Variants in PRKG1 observed in about 807,000 individuals in gnomAD.
PRKG1 encodes the protein cGMP-dependent protein kinase 1.
PRKG1 carries 35 observed loss-of-function variants against 88.1 expected under a neutral mutation model. The observed-to-expected ratio is 0.40, with a 90% CI of 0.30 to 0.53. The LOEUF is 0.53. PRKG1 is among the 20% of genes least tolerant of loss of function. The probability of loss-of-function intolerance (pLI) is 0.59; values close to 1 mark genes in which losing one functional copy is unlikely to be tolerated. For missense variants in PRKG1, 540 were observed against 839.8 expected, an observed-to-expected ratio of 0.64 and a Z score of 4.41; for synonymous variants, 303 against 292.5, an observed-to-expected ratio of 1.04 and a Z score of -0.37.
At chr10:52,022,615 G>A (rs896949297) in intron 5 of PRKG1, among the ~76,000 whole-genome samples, 2 of 152,114 alleles carry the variant, frequency 1.3e-5, no homozygotes, top group Non-Finnish European at 2.9e-5. Flanking sequence ...TAATATGAAA[G>A]AATATCTGAA....
At chr10:51,277,249 T>A (rs1006623384) in intron 2 of PRKG1, among the ~76,000 whole-genome samples, 3 of 152,182 alleles carry the variant, frequency 2.0e-5, no homozygotes, top group African/African-American at 4.8e-5. Context: ...TTTTGTCAGG[T>A]TTGTCAAAGA....
chr10:52,264,072 C>G (rs1278570174), intron 10 of PRKG1, among the ~76,000 whole-genome samples: 1 of 151,718 alleles, frequency 6.6e-6, no homozygotes, highest in African/African-American at 2.4e-5. Context: ...TTCTGTATAC[C>G]CTGCTTCAGC....
chr10:51,823,857 T>TTTTCTC (rs145139440), intron 4 of PRKG1, among the ~76,000 whole-genome samples: 1 of 144,390 alleles, frequency 6.9e-6, no homozygotes, highest in African/African-American at 2.7e-5. Context: ...GAATTTTTTT[T>TTTTCTC]TCTCTCTCCT....
intron 5 of PRKG1, among the ~76,000 whole-genome samples, chr10:52,045,859 G>C (rs1030318156): frequency 5.9e-5 from 9 of 152,016 alleles, no homozygotes; most frequent in African/African-American, 2.2e-4. Flanking sequence ...TTTCACTCCT[G>C]GGGGCATGAT....
At chr10:52,258,122 A>T (rs989194685) in intron 10 of PRKG1, among the ~76,000 whole-genome samples, 1 of 139,538 alleles carries the variant, frequency 7.2e-6, no homozygotes, top group African/African-American at 2.5e-5. Flanking sequence ...TTAGCAATCA[A>T]TTGAAATGCC....
intron 2 of PRKG1, among the ~76,000 whole-genome samples, chr10:51,213,036 T>A (rs971604826): frequency 6.6e-6 from 1 of 152,148 alleles, no homozygotes; most frequent in Non-Finnish European, 1.5e-5. Flanking sequence ...TGCGGCACTA[T>A]TCACAATAGC....
At chr10:52,246,230 C>A (rs1405711800) in intron 9 of PRKG1, among the ~76,000 whole-genome samples, 2 of 152,050 alleles carry the variant, frequency 1.3e-5, no homozygotes, top group Non-Finnish European at 2.9e-5. Context: ...TAATAAGGGA[C>A]ACTTGATTCT....
chr10:51,298,100 T>C (rs544439933), intron 2 of PRKG1, among the ~76,000 whole-genome samples: 11 of 152,296 alleles, frequency 7.2e-5, no homozygotes, highest in African/African-American at 2.6e-4. Context: ...ACATGAATTA[T>C]CTCCTAACCT....
At chr10:51,757,892 T>C (rs191211302) in intron 3 of PRKG1, among the ~76,000 whole-genome samples, 182 of 152,296 alleles carry the variant, frequency 1.2e-3, no homozygotes, top group African/African-American at 4.1e-3. Flanking sequence ...CTATAAAAAG[T>C]GTCAGTCTCT....
chr10:51,935,403 A>C (rs369343385), intron 5 of PRKG1, among the ~76,000 whole-genome samples: 3 of 152,242 alleles, frequency 2.0e-5, no homozygotes, highest in East Asian at 3.9e-4. Flanking sequence ...AAGAGCAATT[A>C]TTGGAGAGGC....
intron 1 of PRKG1, among the ~76,000 whole-genome samples, chr10:51,030,491 G>A (rs1044086950): frequency 6.6e-6 from 1 of 152,122 alleles, no homozygotes; most frequent in Non-Finnish European, 1.5e-5. Context: ...GCTTCCTGAT[G>A]CAACTCATTC....
intron 2 of PRKG1, among the ~76,000 whole-genome samples, chr10:51,307,779 A>G (rs2132483132): frequency 6.6e-6 from 1 of 152,280 alleles, no homozygotes; most frequent in South Asian, 2.1e-4. Context: ...ATAAAGTTTT[A>G]TGCTATACTT....
At chr10:51,772,763 TA>T (rs564810454) in intron 3 of PRKG1, among the ~76,000 whole-genome samples, 49 of 152,236 alleles carry the variant, frequency 3.2e-4, no homozygotes, top group African/African-American at 1.2e-3. Flanking sequence ...CAACTCGGGC[TA>T]GGGGGTATTG....
chr10:51,917,881 A>T (rs1169077852), intron 5 of PRKG1, among the ~76,000 whole-genome samples: 1 of 152,228 alleles, frequency 6.6e-6, no homozygotes, highest in African/African-American at 2.4e-5. Context: ...AGAAAAAAAC[A>T]AATGCTTGTT....
chr10:51,942,568 G>C (rs1374032477), intron 5 of PRKG1, among the ~76,000 whole-genome samples: 3 of 148,584 alleles, frequency 2.0e-5, no homozygotes. Context: ...TTTTCTTCTA[G>C]GGTTTTTATG....
chr10:52,149,876 A>T (rs1440932657), intron 8 of PRKG1, among the ~76,000 whole-genome samples: 1 of 152,048 alleles, frequency 6.6e-6, no homozygotes, highest in Non-Finnish European at 1.5e-5. Context: ...GCCGGCTGTG[A>T]TGGCTCATGC....
At chr10:52,144,583 G>C (rs918814830) in intron 8 of PRKG1, among the ~76,000 whole-genome samples, 3 of 152,142 alleles carry the variant, frequency 2.0e-5, no homozygotes, top group African/African-American at 7.2e-5. Flanking sequence ...GGCCAAGGCA[G>C]GTGGATCACT....
chr10:51,813,218 G>A (rs1839501652), intron 4 of PRKG1, among the ~76,000 whole-genome samples: 1 of 152,098 alleles, frequency 6.6e-6, no homozygotes, highest in African/African-American at 2.4e-5. Flanking sequence ...TAGCAAAAAA[G>A]CATAAAGTAA....
At chr10:51,786,018 G>A (rs1336830113) in intron 3 of PRKG1, among the ~76,000 whole-genome samples, 1 of 152,098 alleles carries the variant, frequency 6.6e-6, no homozygotes, top group Non-Finnish European at 1.5e-5. Context: ...GAAGCAGGTG[G>A]CATTAGTTAT....
Sources: gnomAD v4.1 joint callset for allele counts (sites outside exome capture counted in the v4.1 genomes callset) on GRCh38, gnomAD v4.1.1 for gene constraint, MANE v1.5 for transcripts, NCBI Gene and HGNC (gene_info 2026-07-23, HGNC 2026-07-21) for gene names.